The following AGPAT3 variants were observed in gnomAD, a reference collection of about 807,000 sequenced individuals.
AGPAT3 encodes 1-acyl-sn-glycerol-3-phosphate acyltransferase gamma.
In AGPAT3, 5 loss-of-function variants were observed where a neutral mutation model predicts 47.3. The ratio of observed to expected loss-of-function variants is 0.11; its 90% CI spans 0.06 to 0.22. The LOEUF is 0.22. Ranked by LOEUF, AGPAT3 falls within the 10% of genes least tolerant of loss-of-function variation. AGPAT3 has a pLI of 1.00. For synonymous variants in AGPAT3, 212 were observed against 208.3 expected (o/e 1.02, Z -0.15); for missense variants, 315 against 493.0 (o/e 0.64, Z 3.42).
intron 7 of AGPAT3, among the ~76,000 whole-genome samples, chr21:43,972,066 C>T (rs79481118): frequency 6.6e-6 from 1 of 152,288 alleles, no homozygotes; most frequent in East Asian, 1.9e-4. Context: ...TTCTGCTGGC[C>T]CTGGTGATGG....
intron 2 of AGPAT3, among the ~76,000 whole-genome samples, chr21:43,915,918 T>C (rs1275245626): frequency 1.3e-5 from 2 of 152,332 alleles, no homozygotes; most frequent in Middle Eastern, 3.4e-3. Flanking sequence ...AGATGTAAAG[T>C]AATCAATGGG....
At chr21:43,915,085 G>T (rs1024229676) in intron 2 of AGPAT3, among the ~76,000 whole-genome samples, 2 of 151,450 alleles carry the variant, frequency 1.3e-5, no homozygotes, top group Non-Finnish European at 2.9e-5. Context: ...TTGAGATGGA[G>T]TCTTCCTCTG....
rs1265483624 is a variant in AGPAT3, at chr21:43,920,207, C to CTGTG, written c.-49+16201_-49+16204dup. On this transcript the variant is annotated intron_variant, in intron 2 of 9. Coordinates refer to ENST00000291572, the MANE Select transcript of AGPAT3 (RefSeq NM_020132.5). The surrounding 1 kb of genome is among the most constrained non-coding windows in gnomAD (Gnocchi z 6.1). ...TGGGACACTCATCATGTCTTCAGCCCTGTGTGTGTGTGTGTGAGAGATTGT... is the reference window on the plus strand; with the variant it reads ...TGGGACACTCATCATGTCTTCAGCCCTGTGTGTGTGTGTGTGTGTGAGAGATTGT... Among the ~76,000 whole-genome samples, 3 of 62,884 alleles carry CTGTG rather than the reference C, an allele frequency of 4.8e-5. No homozygotes were observed. The highest frequency in any genetic ancestry group is 1.6e-4 in the African/African-American group (3 of 18,938). The allele number at this position is 62,884 out of a possible 152,430, so 41.3% of individuals were successfully genotyped here. A position where few individuals can be genotyped will look rare whatever the true frequency, so the allele number is the denominator to read the frequency against.
intron 7 of AGPAT3, among the ~76,000 whole-genome samples, chr21:43,974,967 C>A (rs777848909): frequency 1.3e-5 from 2 of 152,230 alleles, no homozygotes; most frequent in African/African-American, 4.8e-5. Flanking sequence ...CACCAGCATG[C>A]GGCAGAGGCT....
chr21:43,964,383 A>T (rs550865601), intron 3 of AGPAT3, among the ~76,000 whole-genome samples: 66 of 150,882 alleles, frequency 4.4e-4, no homozygotes, highest in Non-Finnish European at 8.1e-4. Context: ...TTTATTAGAG[A>T]TGGGGTTTCA....
chr21:43,921,512 G>A lies in AGPAT3; in HGVS notation c.-49+17493G>A, dbSNP rs140866292. On this transcript the variant is annotated intron_variant, in intron 2 of 9. Coordinates refer to ENST00000291572, the MANE Select transcript of AGPAT3 (RefSeq NM_020132.5). ...TCACAAGTGGGGCAGTCTCCAGGGCGAGCCCTGGCGCCATGGGATTTTCTG... is the reference window on the plus strand; with the variant it reads ...TCACAAGTGGGGCAGTCTCCAGGGCAAGCCCTGGCGCCATGGGATTTTCTG... Among the ~76,000 whole-genome samples the A allele has an allele frequency of 9.9e-3, 1,509 of 152,250 alleles. 13 individuals are homozygous for A. Among genetic ancestry groups the A allele is most frequent in the Non-Finnish European group, 0.017 (1,133 of 67,994 alleles).
intron 7 of AGPAT3, 37 bp downstream of exon 7, chr21:43,971,527 A>G (rs1178433826): frequency 1.3e-6 from 2 of 1,596,610 alleles, no homozygotes; most frequent in East Asian, 2.2e-5. Context: ...GCCGCCCCCC[A>G]TACCTTCATG....
At chr21:43,929,937 G>T (rs1028972877) in intron 2 of AGPAT3, among the ~76,000 whole-genome samples, 1 of 152,242 alleles carries the variant, frequency 6.6e-6, no homozygotes, top group Non-Finnish European at 1.5e-5. Context: ...CCTCATAAAT[G>T]CAGCGGACAC....
rs1203522486 is a variant in AGPAT3 at position 43,982,577 on chromosome 21, C to G, written c.*185C>G. ...CCTGTCAGGTGAAGTCTTCAGCCTC[C>G]CACAGCGCAGGGTCCCAGCATCTCC... On this transcript the variant is annotated 3_prime_UTR_variant, in exon 10 of 10. Transcript: ENST00000291572. The surrounding 1 kb of genome is among the most constrained non-coding windows in gnomAD (Gnocchi z 6.2). 1 of 520,386 alleles carries G rather than the reference C, an allele frequency of 1.9e-6. No homozygotes were observed. The highest frequency in any genetic ancestry group is 1.9e-5 in the African/African-American group (1 of 51,446). 32.2% of individuals were successfully genotyped at this position (520,386 alleles called of 1,614,324 possible). A position where few individuals can be genotyped will look rare whatever the true frequency, so the allele number is the denominator to read the frequency against.
intron 3 of AGPAT3, 90 bp from the exon 4 acceptor site, chr21:43,967,856 A>G (rs2089205723): frequency 5.1e-6 from 7 of 1,362,060 alleles, no homozygotes; most frequent in Non-Finnish European, 6.0e-6. Context: ...CTCTCTGGAC[A>G]AAAATACTGT....
In AGPAT3 at chr21:43,982,606, C is replaced by T. The variant is rs896403166; in HGVS notation, c.*214C>T. Reference sequence around the variant, plus strand: ...AGCGCAGGGTCCCAGCATCTCCACGCGCGCCCGTGGGAGGTGGGTCCGGCC... The same window carrying T: ...AGCGCAGGGTCCCAGCATCTCCACGTGCGCCCGTGGGAGGTGGGTCCGGCC... On this transcript the variant is annotated 3_prime_UTR_variant, in exon 10 of 10. Coordinates refer to ENST00000291572, the MANE Select transcript of AGPAT3 (RefSeq NM_020132.5). The surrounding 1 kb of genome is among the most constrained non-coding windows in gnomAD (Gnocchi z 6.2). 26 of 414,124 alleles carry T rather than the reference C, an allele frequency of 6.3e-5. No homozygotes were observed. The highest frequency in any genetic ancestry group is 7.0e-4 in the Middle Eastern group (1 of 1,432). The allele number at this position is 414,124 out of a possible 1,614,324, so 25.7% of individuals were successfully genotyped here.
chr21:43,901,334 AAAAAAG>A (rs969309463), intron 1 of AGPAT3, among the ~76,000 whole-genome samples: 6 of 151,794 alleles, frequency 4.0e-5, no homozygotes, highest in Admixed American at 2.0e-4. Flanking sequence ...AAAAAAAAAA[AAAAAAG>A]AGAAGAGAAA....
intron 2 of AGPAT3, among the ~76,000 whole-genome samples, chr21:43,949,489 G>T (rs1460714167): frequency 6.6e-6 from 1 of 152,236 alleles, no homozygotes; most frequent in Non-Finnish European, 1.5e-5. Context: ...GTGTAAGGGA[G>T]TGGCAACGCT....
chr21:43,948,214 C>T (rs1025735989), intron 2 of AGPAT3: 1 of 152,226 alleles, frequency 6.6e-6, no homozygotes, highest in East Asian at 1.9e-4. Flanking sequence ...TGGGACCTTC[C>T]ACCTTCTACC....
At chr21:43,896,446 T>A (rs1334694101) in intron 1 of AGPAT3, among the ~76,000 whole-genome samples, 1 of 151,988 alleles carries the variant, frequency 6.6e-6, no homozygotes, top group Non-Finnish European at 1.5e-5. Flanking sequence ...GTAGATTGAT[T>A]GAATCAAGTT....
rs1410971941 is a variant in AGPAT3, at chr21:43,920,728, G to A, written c.-49+16709G>A. Among the ~76,000 whole-genome samples the A allele has an allele frequency of 6.6e-6, 1 of 152,066 alleles. No individual in the cohort carries two copies. The highest frequency in any genetic ancestry group is 1.5e-5 in the Non-Finnish European group (1 of 68,002). The stretch of plus-strand genomic sequence containing the variant: ...GGCTGCTAAGCACGGGGAGGTTCCC[G>A]GAGGGTGGAGCCCTGGGGAGGGTAC... On this transcript the variant is annotated intron_variant, in intron 2 of 9. Transcript: ENST00000291572. This position sits in a 1 kb window ranked among gnomAD's most constrained non-coding sequence, Gnocchi z 6.1.
At chr21:43,904,334 C>A (rs1392579604) in intron 2 of AGPAT3, among the ~76,000 whole-genome samples, 1 of 152,166 alleles carries the variant, frequency 6.6e-6, no homozygotes, top group Admixed American at 6.5e-5. Context: ...AGGCGCCTAC[C>A]AGGGCACAGC....
chr21:43,884,169 C>T (rs1601211140), intron 1 of AGPAT3, among the ~76,000 whole-genome samples: 1 of 152,134 alleles, frequency 6.6e-6, no homozygotes. Context: ...CAGATAGTCC[C>T]CAGTGCTGGA....
chr21:43,955,672 G>A lies in AGPAT3; in HGVS notation c.-48-3962G>A, dbSNP rs1178714191. On this transcript the variant is annotated intron_variant, in intron 2 of 9. Coordinates refer to ENST00000291572, the MANE Select transcript of AGPAT3 (RefSeq NM_020132.5). This position sits in a 1 kb window ranked among gnomAD's most constrained non-coding sequence, Gnocchi z 4.1. ...TGTAATCCCAGCGCTTTGGGAGGTC[G>A]AGTTGGGCGGATTACCTGAGGTCAG... Among the ~76,000 whole-genome samples the A allele has an allele frequency of 2.6e-5, 4 of 151,970 alleles. No homozygotes were observed. Among genetic ancestry groups the A allele is most frequent in the South Asian group, 2.1e-4 (1 of 4,826 alleles).
Sources: gnomAD v4.1 joint callset for allele counts (sites outside exome capture counted in the v4.1 genomes callset) on GRCh38, gnomAD v4.1.1 for gene constraint, Gnocchi (gnomAD v3.1) non-coding constraint, MANE v1.5 for transcripts, NCBI Gene and HGNC (gene_info 2026-07-23, HGNC 2026-07-21) for gene names.